The following RIMS3 variants were observed in gnomAD, a reference collection of about 807,000 sequenced individuals.
RIMS3 encodes regulating synaptic membrane exocytosis protein 3.
Under a neutral mutation model 29.2 loss-of-function variants are expected in RIMS3, and 15 were observed. The ratio of observed to expected loss-of-function variants is 0.51; its 90% confidence interval spans 0.34 to 0.79. RIMS3 has a LOEUF of 0.79. Among genes scored for constraint, RIMS3 ranks in the 30% least tolerant of loss-of-function variants. The pLI is 0.01. For synonymous variants in RIMS3, 161 were observed against 170.1 expected (o/e 0.95, Z 0.41); for missense variants, 342 against 421.4 (o/e 0.81, Z 1.65).
chr1:40,682,445 G>A, the RIMS3 span, among the ~76,000 whole-genome samples: 1 of 151,914 alleles, frequency 6.6e-6, no homozygotes, highest in Non-Finnish European at 1.5e-5. Context: ...TTCACACCCC[G>A]TGACTGACCA....
In RIMS3 at chr1:40,648,700, C is replaced by G. The variant is rs539319605; in HGVS notation, c.-206-858G>C. 1.3e-5 allele frequency among the ~76,000 whole-genome samples: 2 copies of G among 152,310 alleles called. 1 individual carries two copies. The highest frequency in any genetic ancestry group is 4.1e-4 in the South Asian group (2 of 4,830). On this transcript the variant is annotated intron_variant, in intron 1 of 7. Coordinates refer to ENST00000372684, the MANE Select transcript of RIMS3 (RefSeq NM_014747.3). ...ATTGGTCTGGAGTCCACACCAGGTG[C>G]AACCATTGCAGGGGAAGGCCCAGAG...
the RIMS3 span, chr1:40,691,964 C>T: frequency 2.2e-5 from 7 of 311,866 alleles, no homozygotes; most frequent in South Asian, 6.9e-5. Context: ...ACCTCACTTC[C>T]TCGCGCGGCC....
At chr1:40,676,279 T>G in the RIMS3 span, among the ~76,000 whole-genome samples, 1 of 152,136 alleles carries the variant, frequency 6.6e-6, no homozygotes, top group African/African-American at 2.4e-5. Context: ...TCTAAAGTCC[T>G]CTCCAGGTCA....
chr1:40,656,675 C>T (rs1480593691), intron 1 of RIMS3, among the ~76,000 whole-genome samples: 2 of 150,076 alleles, frequency 1.3e-5, no homozygotes, highest in South Asian at 2.2e-4. Flanking sequence ...CCCAGCTACT[C>T]GGGAAGCTGT....
At chr1:40,637,101 G>C (rs978911933) in intron 3 of RIMS3, among the ~76,000 whole-genome samples, 3 of 152,174 alleles carry the variant, frequency 2.0e-5, no homozygotes, top group Non-Finnish European at 4.4e-5. Context: ...CGAATTAACA[G>C]TGGAGTTGCC....
chr1:40,652,862 G>C (rs548531055), intron 1 of RIMS3, among the ~76,000 whole-genome samples: 1 of 152,370 alleles, frequency 6.6e-6, no homozygotes, highest in African/African-American at 2.4e-5. Context: ...ATCCATGCAG[G>C]AAGAAGGGCT....
intron 1 of RIMS3, among the ~76,000 whole-genome samples, chr1:40,658,989 G>A (rs748153657): frequency 1.3e-5 from 2 of 152,212 alleles, no homozygotes; most frequent in African/African-American, 2.4e-5. Context: ...CTGTGCCTAC[G>A]TCGGAGAAGC....
At chr1:40,652,779 GA>G (rs922933809) in intron 1 of RIMS3, among the ~76,000 whole-genome samples, 1 of 152,238 alleles carries the variant, frequency 6.6e-6, no homozygotes, top group Non-Finnish European at 1.5e-5. Context: ...ATGCTTTACA[GA>G]GATCAATCTG....
chr1:40,629,279 G>A lies in RIMS3; in HGVS notation c.566C>T (p.Ser189Phe), dbSNP rs764627942. The A allele has an allele frequency of 4.0e-5, 65 of 1,613,924 alleles. No homozygotes were observed. The East Asian group carries it at 1.4e-3, about 36-fold the overall frequency. ...TTTCCAAAATCCCTCACCTGGGAGGGATTTGGAGCCTGGTTTGGGGGTCAG... is the reference window on the plus strand; with the variant it reads ...TTTCCAAAATCCCTCACCTGGGAGGAATTTGGAGCCTGGTTTGGGGGTCAG... ...RGLTPKPGSK[S>F]LPATYIKVYL... Residue 189 changes from serine (S) to phenylalanine (F), a missense_variant, in exon 6 of 8, where the codon TCC becomes TTC. Physicochemically the swap from Ser to Phe is radical, Grantham distance 155 (BLOSUM62 -2). Transcript: ENST00000372684.
chr1:40,626,535 G>T lies in RIMS3; in HGVS notation c.909C>A (p.Thr303=). The T allele has an allele frequency of 6.2e-7, 1 of 1,609,762 alleles. No individual in the cohort carries two copies. The highest frequency in any genetic ancestry group is 8.5e-7 in the Non-Finnish European group (1 of 1,177,972). The change falls in exon 8 of 8, where the codon ACC becomes ACA. Residue 303 remains threonine, a synonymous_variant. Transcript: ENST00000372684. ...RLSQSSLESA[T]SPSCS ...GACATCCTTAAGAGCATGAGGGGCT[G>T]GTGGCACTCTCCAGGGAAGACTGGG... is the stretch of plus-strand genomic sequence containing the variant.
At chr1:40,682,637 C>T in the RIMS3 span, among the ~76,000 whole-genome samples, 2 of 151,840 alleles carry the variant, frequency 1.3e-5, no homozygotes, top group Non-Finnish European at 2.9e-5. Context: ...AGATGGATAG[C>T]TGGTTTGGAT....
chr1:40,671,748 CTTTCT>C, the RIMS3 span, among the ~76,000 whole-genome samples: 10 of 150,504 alleles, frequency 6.6e-5, no homozygotes, highest in Admixed American at 2.0e-4. Context: ...AACCCCTTTC[CTTTCT>C]TTTCTTTTTT....
Position 40,625,996 on chromosome 1 carries a change from C to T in RIMS3, c.*521G>A, listed in dbSNP as rs1266565360. 1.1e-5 allele frequency: 2 copies of T among 176,020 alleles called. No homozygotes were observed. The highest frequency in any genetic ancestry group is 1.3e-4 in the South Asian group (1 of 7,416). The allele number at this position is 176,020 out of a possible 1,614,324, so 10.9% of individuals were successfully genotyped here. A position where few individuals can be genotyped will look rare whatever the true frequency, so the allele number is the denominator to read the frequency against. On this transcript the variant is annotated 3_prime_UTR_variant, in exon 8 of 8. Transcript: ENST00000372684. ...GGGCCCTCAGTGTGGCCAGCTGCAG[C>T]GGATGCTACATTTCTCAGAAAACAG... is the stretch of plus-strand genomic sequence containing the variant.
chr1:40,641,808 T>C lies in RIMS3; in HGVS notation c.118A>G (p.Thr40Ala). ...CTGCTCCGCCGCTTCTTGGCGGTGG[T>C]GGTCCCAGCCCCGCCCCCGGCTTGC... ...SQQAGGGAGTTTAKKRRSSLG... is the reference protein window; with the variant it reads ...SQQAGGGAGTATAKKRRSSLG... The change falls in exon 3 of 8, where the codon ACC (threonine) becomes GCC (alanine). Residue 40 changes from threonine (T) to alanine (A), a missense_variant. By Grantham distance (58) the Thr-to-Ala change is moderately conservative. Coordinates refer to ENST00000372684, the MANE Select transcript of RIMS3 (RefSeq NM_014747.3). 6.2e-7 allele frequency: 1 copy of C among 1,612,706 alleles called. No homozygotes were observed. Among genetic ancestry groups the C allele is most frequent in the South Asian group, 1.1e-5 (1 of 91,072 alleles).
At chr1:40,647,038 G>A (rs772221116) in intron 2 of RIMS3, among the ~76,000 whole-genome samples, 2 of 151,948 alleles carry the variant, frequency 1.3e-5, no homozygotes, top group Non-Finnish European at 2.9e-5. Context: ...CCACTACCAC[G>A]CCCAGCTAAT....
chr1:40,629,079 G>T, intron 6 of RIMS3, 130 bp from the exon 7 acceptor site: 3 of 1,243,696 alleles, frequency 2.4e-6, no homozygotes, highest in Non-Finnish European at 3.5e-6. Context: ...TGGACAGCAG[G>T]CAGAAGAGGT....
At chr1:40,691,421 T>C in the RIMS3 span, 4 of 249,870 alleles carry the variant, frequency 1.6e-5, no homozygotes, top group South Asian at 1.3e-4. Context: ...CACCTACTTA[T>C]TTCCTAAAAT....
At chr1:40,640,525 C>G (rs1392224735) in intron 3 of RIMS3, among the ~76,000 whole-genome samples, 1 of 152,198 alleles carries the variant, frequency 6.6e-6, no homozygotes, top group Non-Finnish European at 1.5e-5. Context: ...TCCTCCGGAG[C>G]CCCCGCCCCC....
chr1:40,661,932 A>G (rs1057490834), intron 1 of RIMS3, among the ~76,000 whole-genome samples: 3 of 152,178 alleles, frequency 2.0e-5, no homozygotes, highest in African/African-American at 7.2e-5. Flanking sequence ...AGAGAGAAGG[A>G]GCTGGAGGGA....
Sources: gnomAD v4.1 joint callset for allele counts (sites outside exome capture counted in the v4.1 genomes callset) on GRCh38, gnomAD v4.1.1 for gene constraint, MANE v1.5 for transcripts, NCBI Gene and HGNC (gene_info 2026-07-23, HGNC 2026-07-21) for gene names.